Variants in MADD observed in about 807,000 individuals in gnomAD.
MADD encodes MAP kinase-activating death domain protein.
MADD carries 109 observed loss-of-function variants against 176.7 expected under a neutral mutation model. The ratio of observed to expected loss-of-function variants is 0.62; its 90% CI spans 0.53 to 0.72. The LOEUF (loss-of-function observed/expected upper bound fraction) is 0.72. MADD is among the 30% of genes least tolerant of loss of function. The pLI, the probability that MADD is intolerant of heterozygous loss-of-function variation, is 0.00. For missense variants in MADD, 1,914 were observed against 2,045.5 expected (o/e 0.94, Z 1.24); for synonymous variants, 771 against 771.3 (o/e 1.00, Z 0.01).
At chr11:47,328,326 C>G in intron 31 of MADD, 19 of 1,253,234 alleles carry the variant, frequency 1.5e-5, no homozygotes, top group Non-Finnish European at 1.8e-5. Flanking sequence ...CTCAGGGGCC[C>G]TGGACAGTAG....
chr11:47,317,551 G>A (rs768330351), intron 27 of MADD, among the ~76,000 whole-genome samples: 1 of 152,098 alleles, frequency 6.6e-6, no homozygotes. Flanking sequence ...TAGACTGGTA[G>A]TTCAGTTTAG....
chr11:47,308,685 A>T, exon 23 of MADD: 6 of 1,613,546 alleles, frequency 3.7e-6, no homozygotes, highest in Non-Finnish European at 5.1e-6. Context: ...GTCTATCTCT[A>T]TGAGGGACTC....
intron 27 of MADD, 95 bp from the exon 31 acceptor site, chr11:47,323,575 TG>T: frequency 7.5e-7 from 1 of 1,341,446 alleles, no homozygotes; most frequent in South Asian, 1.3e-5. Context: ...AACCTGACCA[TG>T]GGGATGCCCC....
chr11:47,291,130 T>C (rs2064863918), intron 19 of MADD, among the ~76,000 whole-genome samples: 1 of 152,132 alleles, frequency 6.6e-6, no homozygotes, highest in Admixed American at 6.6e-5. Context: ...TTTCTTCACA[T>C]AGTGGAGAGA....
intron 1 of MADD, among the ~76,000 whole-genome samples, chr11:47,273,505 A>C (rs946476157): frequency 6.6e-6 from 1 of 151,986 alleles, no homozygotes; most frequent in Non-Finnish European, 1.5e-5. Context: ...CACCCGGCTA[A>C]TTTTTTTGTA....
intron 6 of MADD, 142 bp from the exon 7 acceptor site, chr11:47,278,857 A>G (rs2053282968): frequency 4.8e-6 from 3 of 619,330 alleles, no homozygotes; most frequent in Middle Eastern, 3.9e-4. Context: ...ATGTGTGTAC[A>G]TATATCTTAC....
chr11:47,285,218 A>C, intron 13 of MADD, 24 bp downstream of exon 13: 1 of 1,609,112 alleles, frequency 6.2e-7, no homozygotes, highest in Non-Finnish European at 8.5e-7. Flanking sequence ...CATCCCTTCT[A>C]GATGGGTGAC....
In MADD at chr11:47,292,469, G is replaced by C. The variant is rs2138768496; in HGVS notation, c.3302-1414G>C. 4 of 1,360,366 alleles carry C rather than the reference G, an allele frequency of 2.9e-6. No homozygotes were observed. The East Asian group carries it at 9.2e-5, about 31-fold the overall frequency. The allele number at this position is 1,360,366 out of a possible 1,614,324, so 84.3% of individuals were successfully genotyped here. A position where few individuals can be genotyped will look rare whatever the true frequency, so the allele number is the denominator to read the frequency against. ...GAGACTGAATCGACTTGGGTGGGTG[G>C]GTTTCCATTTCGTCTGTCTGACCAG... is the stretch of plus-strand genomic sequence containing the variant. On this transcript the variant is annotated intron_variant, in intron 19 of 32. Transcript: ENST00000402192.
At chr11:47,306,456 C>T (rs1272507402) in intron 22 of MADD, among the ~76,000 whole-genome samples, 1 of 152,232 alleles carries the variant, frequency 6.6e-6, no homozygotes, top group African/African-American at 2.4e-5. Flanking sequence ...GGAGGGAGCA[C>T]AGCTGTATGG....
exon 3 of MADD, chr11:47,274,946 C>G: frequency 6.2e-7 from 1 of 1,614,098 alleles, no homozygotes; most frequent in Non-Finnish European, 8.5e-7. Flanking sequence ...AGTGCTGACT[C>G]TACCCCTGAT....
intron 28 of MADD, 96 bp from the exon 32 acceptor site, chr11:47,324,169 C>A: frequency 2.7e-6 from 3 of 1,106,432 alleles, no homozygotes; most frequent in African/African-American, 1.6e-5. Flanking sequence ...TTTTACCCCT[C>A]ACTTCAACCT....
exon 8 of MADD, chr11:47,281,736 T>C (rs1306061861): frequency 1.9e-6 from 3 of 1,605,326 alleles, no homozygotes; most frequent in African/African-American, 2.7e-5. Flanking sequence ...ATGTGGATTC[T>C]GTGGATGTTG....
chr11:47,291,229 C>T (rs2064982725), intron 19 of MADD, among the ~76,000 whole-genome samples: 1 of 152,202 alleles, frequency 6.6e-6, no homozygotes, highest in African/African-American at 2.4e-5. Context: ...GTCCTCCCAT[C>T]CAACCATTAT....
At chr11:47,296,382 T>G (rs551455824) in intron 22 of MADD, among the ~76,000 whole-genome samples, 1 of 152,328 alleles carries the variant, frequency 6.6e-6, no homozygotes, top group Non-Finnish European at 1.5e-5. Flanking sequence ...GTCAGGACAA[T>G]TACAGCTCTC....
exon 10 of MADD, chr11:47,282,840 A>T (rs747468381): frequency 6.2e-7 from 1 of 1,614,034 alleles, no homozygotes; most frequent in Admixed American, 1.7e-5. Context: ...CTGATTGGTG[A>T]CAAGCCAAAG....
Position 47,290,684 on chromosome 11 carries a change from CG to C in MADD, c.3175del (p.Asp1059ThrfsTer8). 3 of 1,614,068 alleles carry C rather than the reference CG, an allele frequency of 1.9e-6. No individual in the cohort carries two copies. The highest frequency in any genetic ancestry group is 2.5e-6 in the Non-Finnish European group (3 of 1,179,986). On this transcript the variant is annotated frameshift_variant, in exon 19 of 33. Transcript: ENST00000402192. LOFTEE classifies it high-confidence loss of function. Reference sequence around the variant, plus strand: ...TGGCAAGGATCCTGGCCTAGCTGGGCGGGGGGACCCAAAGGCTATGGCACAA... The same window carrying C: ...TGGCAAGGATCCTGGCCTAGCTGGGCGGGGGACCCAAAGGCTATGGCACAA...
intron 27 of MADD, among the ~76,000 whole-genome samples, chr11:47,323,391 C>G (rs2094868009): frequency 6.6e-6 from 1 of 150,746 alleles, no homozygotes; most frequent in Admixed American, 6.6e-5. Context: ...AAGTGAGACC[C>G]TGTCTCAAAA....
At chr11:47,290,495 T>G in intron 18 of MADD, 115 bp from the exon 20 acceptor site, 1 of 1,285,214 alleles carries the variant, frequency 7.8e-7, no homozygotes, top group Non-Finnish European at 1.1e-6. Context: ...TCAGCTCATC[T>G]TTCCTTGAAC....
chr11:47,271,081 C>G (rs1302120382), intron 1 of MADD: 2 of 152,228 alleles, frequency 1.3e-5, no homozygotes, highest in Non-Finnish European at 2.9e-5. Context: ...AAATCTACCT[C>G]TGGGTGGAGC....
Sources: allele counts gnomAD v4.1 joint callset (sites outside exome capture counted in the v4.1 genomes callset), GRCh38; gene constraint gnomAD v4.1.1; transcripts MANE v1.5; gene names NCBI Gene and HGNC (gene_info 2026-07-23, HGNC 2026-07-21).